Variants in LRRC3B observed in about 807,000 individuals in gnomAD.
LRRC3B encodes the protein leucine rich repeat containing 3B, also known as leucine-rich repeat-containing protein 3B.
In LRRC3B, 2 loss-of-function variants were observed where a neutral mutation model predicts 12.8. The ratio of observed to expected loss-of-function variants is 0.16; its 90% CI spans 0.06 to 0.49. The LOEUF (loss-of-function observed/expected upper bound fraction) is 0.49. LRRC3B is among the 20% of genes least tolerant of loss of function. The pLI is 0.96. For synonymous variants in LRRC3B, 132 were observed against 122.0 expected (o/e 1.08, Z -0.54); for missense variants, 189 against 319.4 (o/e 0.59, Z 3.11).
chr3:26,656,338 T>A (rs1274565981), intron 1 of LRRC3B, among the ~76,000 whole-genome samples: 2 of 151,852 alleles, frequency 1.3e-5, no homozygotes, highest in Non-Finnish European at 2.9e-5. Flanking sequence ...GTGCGGGCAG[T>A]TTGAGGGTGG....
intron 1 of LRRC3B, among the ~76,000 whole-genome samples, chr3:26,698,905 CA>C (rs1405566468): frequency 6.6e-6 from 1 of 152,044 alleles, no homozygotes; most frequent in Non-Finnish European, 1.5e-5. Context: ...AAATTTCCCC[CA>C]GTTGTTCCAA....
At chr3:26,682,270 G>A (rs1348777993) in intron 1 of LRRC3B, among the ~76,000 whole-genome samples, 1 of 152,076 alleles carries the variant, frequency 6.6e-6, no homozygotes, top group African/African-American at 2.4e-5. Context: ...TGTTTTTCAA[G>A]CTCCTTTTGT....
exon 2 of LRRC3B, chr3:26,710,163 A>G: frequency 6.2e-7 from 1 of 1,613,982 alleles, no homozygotes; most frequent in Non-Finnish European, 8.5e-7. Context: ...GCGTCCAATC[A>G]TGAGACAGCC....
chr3:26,660,770 CAGAG>C (rs1699476438), intron 1 of LRRC3B, among the ~76,000 whole-genome samples: 1 of 152,118 alleles, frequency 6.6e-6, no homozygotes, highest in Non-Finnish European at 1.5e-5. Context: ...ACCTTGAGGT[CAGAG>C]AGCACTCAGT....
chr3:26,677,937 C>G (rs1246517834), intron 1 of LRRC3B, among the ~76,000 whole-genome samples: 1 of 152,058 alleles, frequency 6.6e-6, no homozygotes, highest in Non-Finnish European at 1.5e-5. Flanking sequence ...GTAGCTGGGA[C>G]TACAGGCATG....
chr3:26,695,296 G>A (rs925809604), intron 1 of LRRC3B, among the ~76,000 whole-genome samples: 3 of 152,188 alleles, frequency 2.0e-5, no homozygotes, highest in Admixed American at 2.0e-4. Context: ...GGGGGGCCGA[G>A]GCGGGGGGAC....
At position 26,679,904 on chromosome 3, in the gene LRRC3B, G is replaced by A. The variant is rs1441124247; in HGVS notation, c.-160-29609G>A. On this transcript the variant is annotated intron_variant, in intron 1 of 1. Coordinates refer to ENST00000396641, the Ensembl canonical transcript of LRRC3B. ...AAGGATTTGGGTTAGGAGAAAAAAG[G>A]TGTGTCACATAACAGAGAACACGGA... Among the ~76,000 whole-genome samples, 6 of 152,144 alleles carry A rather than the reference G, an allele frequency of 3.9e-5. No individual in the cohort carries two copies. In the South Asian group the frequency reaches 8.3e-4, roughly 21 times the overall value.
intron 1 of LRRC3B, among the ~76,000 whole-genome samples, chr3:26,647,826 T>C (rs1575124897): frequency 6.6e-6 from 1 of 152,186 alleles, no homozygotes; most frequent in South Asian, 2.1e-4. Context: ...GAGCATGCCA[T>C]GTTTAAACAA....
intron 1 of LRRC3B, among the ~76,000 whole-genome samples, chr3:26,700,303 G>A (rs2125458137): frequency 6.6e-6 from 1 of 152,218 alleles, no homozygotes; most frequent in South Asian, 2.1e-4. Context: ...GGGCTGGTGA[G>A]GCATTTGAAA....
intron 1 of LRRC3B, among the ~76,000 whole-genome samples, chr3:26,640,951 C>A (rs1699018378): frequency 6.6e-6 from 1 of 152,138 alleles, no homozygotes; most frequent in South Asian, 2.1e-4. Flanking sequence ...AAGCAGAGTC[C>A]TTATGAATGA....
At position 26,709,637 on chromosome 3, in the gene LRRC3B, T is replaced by C; in HGVS notation, c.-36T>C. 1.3e-6 allele frequency: 2 copies of C among 1,595,836 alleles called. No homozygotes were observed. Among genetic ancestry groups the C allele is most frequent in the Non-Finnish European group, 1.7e-6 (2 of 1,169,302 alleles). On this transcript the variant is annotated 5_prime_UTR_variant, in exon 2 of 2. An upstream start codon of the reference 5' UTR is lost. Coordinates refer to ENST00000396641, the Ensembl canonical transcript of LRRC3B. Reference sequence around the variant, plus strand: ...CCTTTACCACGCTTGTTGGAGTAGATGAGGAATGGGCTCGTGATTATGCTG... The same window carrying C: ...CCTTTACCACGCTTGTTGGAGTAGACGAGGAATGGGCTCGTGATTATGCTG...
At chr3:26,650,472 C>G (rs569025663) in intron 1 of LRRC3B, among the ~76,000 whole-genome samples, 6 of 152,172 alleles carry the variant, frequency 3.9e-5, no homozygotes, top group Non-Finnish European at 7.3e-5. Context: ...CAGCTCCCCC[C>G]ACCAGTGGCA....
intron 1 of LRRC3B, among the ~76,000 whole-genome samples, chr3:26,643,250 G>A (rs4583598): frequency 0.11 from 13,744 of 123,420 alleles, 741 homozygotes; most frequent in South Asian, 0.25. Context: ...ACACACATAT[G>A]TGTGAGTGTG....
intron 1 of LRRC3B, among the ~76,000 whole-genome samples, chr3:26,630,200 C>T (rs1698726199): frequency 6.6e-6 from 1 of 152,074 alleles, no homozygotes; most frequent in Non-Finnish European, 1.5e-5. Flanking sequence ...TAGATCAGTT[C>T]AAAGGCAGCC....
intron 1 of LRRC3B, among the ~76,000 whole-genome samples, chr3:26,702,570 ATGTC>A (rs1472133618): frequency 6.6e-6 from 1 of 152,176 alleles, no homozygotes; most frequent in Non-Finnish European, 1.5e-5. Context: ...TCATGTTTCT[ATGTC>A]TGTGTAAGAA....
At chr3:26,669,193 A>G (rs1180311786) in intron 1 of LRRC3B, among the ~76,000 whole-genome samples, 2 of 152,180 alleles carry the variant, frequency 1.3e-5, no homozygotes, top group East Asian at 3.8e-4. Context: ...GGATGTTCCA[A>G]TGTATTCTTG....
In LRRC3B at chr3:26,691,966, G is replaced by A. The variant is rs972282802; in HGVS notation, c.-160-17547G>A. Among the ~76,000 whole-genome samples, 2 of 152,102 alleles carry A rather than the reference G, an allele frequency of 1.3e-5. 1 individual carries two copies. The highest frequency in any genetic ancestry group is 4.1e-4 in the South Asian group (2 of 4,826). Reference sequence around the variant, plus strand: ...AGTTGTCTCTTTGATGTTTGTCTTCGTGTTTGCAAAAGAGCTTCTGAGAGC... The same window carrying A: ...AGTTGTCTCTTTGATGTTTGTCTTCATGTTTGCAAAAGAGCTTCTGAGAGC... On this transcript the variant is annotated intron_variant, in intron 1 of 1. Transcript: ENST00000396641.
intron 1 of LRRC3B, among the ~76,000 whole-genome samples, chr3:26,650,183 C>T (rs1699237617): frequency 6.6e-6 from 1 of 152,196 alleles, no homozygotes; most frequent in African/African-American, 2.4e-5. Context: ...CTACCTTGTC[C>T]TCTTACACAT....
intron 1 of LRRC3B, among the ~76,000 whole-genome samples, chr3:26,655,117 A>T (rs1190268761): frequency 6.6e-6 from 1 of 152,174 alleles, no homozygotes; most frequent in Admixed American, 6.5e-5. Context: ...ATGGAAAACT[A>T]GTGCCACTTT....
Sources: gnomAD v4.1 joint callset for allele counts (sites outside exome capture counted in the v4.1 genomes callset) on GRCh38, gnomAD v4.1.1 for gene constraint, MANE v1.5 for transcripts, NCBI Gene and HGNC (gene_info 2026-07-23, HGNC 2026-07-21) for gene names.